The following SH3PXD2A variants were observed in gnomAD, a reference collection of about 807,000 sequenced individuals.
SH3PXD2A encodes the protein SH3 and PX domain-containing protein 2A.
In SH3PXD2A, 32 loss-of-function variants were observed where a neutral mutation model predicts 115.2. The observed-to-expected ratio is 0.28, with a 90% CI of 0.21 to 0.37. SH3PXD2A has a LOEUF of 0.37. Among genes scored for constraint, SH3PXD2A ranks in the 10% least tolerant of loss-of-function variants. SH3PXD2A has a pLI of 1.00. For synonymous variants in SH3PXD2A, 610 were observed against 629.1 expected, an observed-to-expected ratio of 0.97 and a Z score of 0.45; for missense variants, 1,328 against 1,498.7, an observed-to-expected ratio of 0.89 and a Z score of 1.88.
At chr10:103,657,423 G>A (rs2134040607) in intron 8 of SH3PXD2A, among the ~76,000 whole-genome samples, 1 of 152,338 alleles carries the variant, frequency 6.6e-6, no homozygotes, top group Non-Finnish European at 1.5e-5. Context: ...ATGTCCTAAA[G>A]AGGAGGCGCC....
At chr10:103,681,130 A>G (rs1205884321) in intron 6 of SH3PXD2A, among the ~76,000 whole-genome samples, 1 of 152,216 alleles carries the variant, frequency 6.6e-6, no homozygotes, top group African/African-American at 2.4e-5. Context: ...CCTTCTGGAA[A>G]TGAAAGGCAG....
chr10:103,830,361 C>T (rs2039472139), intron 1 of SH3PXD2A, among the ~76,000 whole-genome samples: 1 of 152,080 alleles, frequency 6.6e-6, no homozygotes, highest in African/African-American at 2.4e-5. Context: ...GGGAGAAGTG[C>T]CAATAGGCTG....
rs537396034 is a variant in SH3PXD2A, at chr10:103,765,354, G to A, written c.229+1740C>T. ...GCTCACAATGAGGTCACTGTTCTCTGAGCTCCCTCTCCAGTCACCCTCAAA... is the reference window on the plus strand; with the variant it reads ...GCTCACAATGAGGTCACTGTTCTCTAAGCTCCCTCTCCAGTCACCCTCAAA... On this transcript the variant is annotated intron_variant, in intron 3 of 14. Transcript: ENST00000369774. 4.2e-4 allele frequency among the ~76,000 whole-genome samples: 64 copies of A among 152,316 alleles called. 1 individual carries two copies. The highest frequency in any genetic ancestry group is 2.1e-4 in the Non-Finnish European group (14 of 68,028).
intron 3 of SH3PXD2A, chr10:103,754,615 G>A (rs1337059038): frequency 6.6e-6 from 1 of 152,144 alleles, no homozygotes; most frequent in Non-Finnish European, 1.5e-5. Context: ...GAGAGAGAAT[G>A]TTCTGATCTA....
At chr10:103,612,460 T>C (rs888020649) in intron 12 of SH3PXD2A, among the ~76,000 whole-genome samples, 3 of 152,242 alleles carry the variant, frequency 2.0e-5, no homozygotes, top group South Asian at 2.1e-4. Context: ...ATGTGTTTTT[T>C]TGATTTTTTA....
intron 1 of SH3PXD2A, among the ~76,000 whole-genome samples, chr10:103,823,417 G>A (rs1273629768): frequency 2.6e-5 from 4 of 152,206 alleles, no homozygotes; most frequent in Non-Finnish European, 5.9e-5. Context: ...CCCTTACAGG[G>A]TTGGGAGCAT....
At chr10:103,721,510 A>G (rs1214843945) in intron 5 of SH3PXD2A, among the ~76,000 whole-genome samples, 1 of 152,244 alleles carries the variant, frequency 6.6e-6, no homozygotes, top group Non-Finnish European at 1.5e-5. Context: ...GCTGACTGGC[A>G]AAGAGCAGGT....
chr10:103,646,565 A>G (rs927288018), intron 8 of SH3PXD2A, among the ~76,000 whole-genome samples: 16 of 152,094 alleles, frequency 1.1e-4, no homozygotes, highest in African/African-American at 3.9e-4. Flanking sequence ...CACAGGGGAG[A>G]GGCCTGCAGA....
At chr10:103,657,317 C>T (rs980980167) in intron 8 of SH3PXD2A, among the ~76,000 whole-genome samples, 1 of 152,200 alleles carries the variant, frequency 6.6e-6, no homozygotes, top group East Asian at 1.9e-4. Flanking sequence ...CTTTGCTCAA[C>T]ACACAAATCA....
intron 6 of SH3PXD2A, among the ~76,000 whole-genome samples, chr10:103,669,448 T>G (rs1480207594): frequency 2.6e-5 from 4 of 152,236 alleles, no homozygotes; most frequent in Non-Finnish European, 4.4e-5. Flanking sequence ...GTGATACCAT[T>G]AACATCTGAA....
intron 8 of SH3PXD2A, among the ~76,000 whole-genome samples, chr10:103,634,978 T>C (rs2036843023): frequency 6.6e-6 from 1 of 152,018 alleles, no homozygotes; most frequent in African/African-American, 2.4e-5. Flanking sequence ...TGGTCGTTAA[T>C]CACTAGAGGG....
At chr10:103,810,074 C>T (rs1166863178) in intron 1 of SH3PXD2A, among the ~76,000 whole-genome samples, 1 of 152,084 alleles carries the variant, frequency 6.6e-6, no homozygotes, top group African/African-American at 2.4e-5. Flanking sequence ...TACTTATTAC[C>T]CTGCAGAATG....
intron 5 of SH3PXD2A, among the ~76,000 whole-genome samples, chr10:103,698,705 C>G (rs1484219054): frequency 1.3e-5 from 2 of 152,130 alleles, no homozygotes; most frequent in African/African-American, 4.8e-5. Flanking sequence ...AAGGCCTGTG[C>G]AGGCAGGCAG....
At chr10:103,632,945 G>A (rs1487610880) in intron 8 of SH3PXD2A, among the ~76,000 whole-genome samples, 2 of 152,050 alleles carry the variant, frequency 1.3e-5, no homozygotes, top group Non-Finnish European at 2.9e-5. Flanking sequence ...CTGCACTCCA[G>A]CCTGGCGACA....
chr10:103,757,439 C>A (rs1054147931), intron 3 of SH3PXD2A, among the ~76,000 whole-genome samples: 1 of 152,080 alleles, frequency 6.6e-6, no homozygotes, highest in Non-Finnish European at 1.5e-5. Context: ...TCAGAAAGTT[C>A]CTGGGGAAGA....
chr10:103,849,619 T>A (rs1399344737), intron 1 of SH3PXD2A, among the ~76,000 whole-genome samples: 1 of 152,192 alleles, frequency 6.6e-6, no homozygotes, highest in Non-Finnish European at 1.5e-5. Flanking sequence ...TGCCCACCTG[T>A]GACTGGCTGC....
chr10:103,700,290 G>A (rs140863764), intron 5 of SH3PXD2A, among the ~76,000 whole-genome samples: 1 of 152,372 alleles, frequency 6.6e-6, no homozygotes, highest in East Asian at 1.9e-4. Context: ...GGTTAAAATA[G>A]TTGCTATCTT....
chr10:103,662,940 GACCAAAGGCACACACC>G (rs1180661416), intron 7 of SH3PXD2A, among the ~76,000 whole-genome samples: 1 of 152,030 alleles, frequency 6.6e-6, no homozygotes, highest in African/African-American at 2.4e-5. Context: ...ATGTAGCTGG[GACCAAAGGCACACACC>G]ACCATACCCG....
intron 9 of SH3PXD2A, among the ~76,000 whole-genome samples, chr10:103,625,547 G>A (rs1464410570): frequency 6.6e-6 from 1 of 152,226 alleles, no homozygotes; most frequent in African/African-American, 2.4e-5. Context: ...CTAGCATCTG[G>A]TACTTTGTGA....
Sources: allele counts gnomAD v4.1 joint callset (sites outside exome capture counted in the v4.1 genomes callset), GRCh38; gene constraint gnomAD v4.1.1; transcripts MANE v1.5; gene names NCBI Gene and HGNC (gene_info 2026-07-23, HGNC 2026-07-21).